The following PGGHG variants were observed in gnomAD, a reference collection of about 807,000 sequenced individuals.
PGGHG encodes the protein ATH1, acid trehalase-like 1.
A neutral mutation model predicts 74.5 loss-of-function variants in PGGHG; 67 were observed. The observed-to-expected ratio is 0.90, with a 90% CI of 0.74 to 1.10. The LOEUF is 1.10. Ranked by LOEUF, PGGHG falls within the 50% of genes least tolerant of loss-of-function variation. The probability of loss-of-function intolerance (pLI) is 0.00; values close to 1 mark genes in which losing one functional copy is unlikely to be tolerated. For missense variants in PGGHG, 1,034 were observed against 981.5 expected (o/e 1.05, Z -0.72); for synonymous variants, 496 against 419.9 (o/e 1.18, Z -2.21).
chr11:289,756 G>A lies in PGGHG; in HGVS notation c.-13-48G>A, dbSNP rs1367874031. On this transcript the variant is annotated intron_variant, in intron 1 of 13. Transcript: ENST00000409548. This position sits in a 1 kb window ranked among gnomAD's most constrained non-coding sequence, Gnocchi z 5.6. ...GGGGATTACAGACGGTCTCAAGAGG[G>A]AGGCCCAGCCAGTCCCGCGGCCCCT... is the stretch of plus-strand genomic sequence containing the variant. 3 of 1,505,028 alleles carry A rather than the reference G, an allele frequency of 2.0e-6. No homozygotes were observed. Among genetic ancestry groups the A allele is most frequent in the Non-Finnish European group, 2.7e-6 (3 of 1,124,302 alleles). The allele number at this position is 1,505,028 out of a possible 1,614,324, so 93.2% of individuals were successfully genotyped here.
Position 289,547 on chromosome 11 carries a change from A to C in PGGHG, c.-13-257A>C. 1.9e-6 allele frequency: 1 copy of C among 515,472 alleles called. No homozygotes were observed. The highest frequency in any genetic ancestry group is 3.4e-6 in the Non-Finnish European group (1 of 291,962). 31.9% of individuals were successfully genotyped at this position (515,472 alleles called of 1,614,324 possible). On this transcript the variant is annotated intron_variant, in intron 1 of 13. Coordinates refer to ENST00000409548, the MANE Select transcript of PGGHG (RefSeq NM_025092.5). This position sits in a 1 kb window ranked among gnomAD's most constrained non-coding sequence, Gnocchi z 5.6. Reference sequence around the variant, plus strand: ...AAAGCAGGGTTAGGACTGGAATTCTAAGGTAGCAGGAGGGAGAGACACACT... The same window carrying C: ...AAAGCAGGGTTAGGACTGGAATTCTCAGGTAGCAGGAGGGAGAGACACACT...
In PGGHG at chr11:289,355, C is replaced by T. The variant is rs1391512546; in HGVS notation, c.-14+116C>T. On this transcript the variant is annotated intron_variant, in intron 1 of 13. Transcript: ENST00000409548. The surrounding 1 kb of genome is among the most constrained non-coding windows in gnomAD (Gnocchi z 5.6). The stretch of plus-strand genomic sequence containing the variant: ...CGCCTGCCCCAGCCGCCTACACCCC[C>T]GAGACCCCCACCCGCCCGGCGCCCC... 3 of 140,536 alleles carry T rather than the reference C, an allele frequency of 2.1e-5. No homozygotes were observed. Among genetic ancestry groups the T allele is most frequent in the African/African-American group, 8.0e-5 (3 of 37,416 alleles). The allele number at this position is 140,536 out of a possible 1,614,324, so 8.7% of individuals were successfully genotyped here.
At chr11:291,791 C>A in intron 4 of PGGHG, 185 bp from the exon 5 acceptor site, 1 of 859,832 alleles carries the variant, frequency 1.2e-6, no homozygotes, top group Non-Finnish European at 1.7e-6. Flanking sequence ...ACCAGAACTC[C>A]AGGAGCGTCT....
At chr11:292,796 C>T in intron 6 of PGGHG, 90 bp from the exon 7 acceptor site, 2 of 1,607,530 alleles carry the variant, frequency 1.2e-6, no homozygotes, top group Non-Finnish European at 1.7e-6. Context: ...ACAGGTGTCT[C>T]AATGCCAGGC....
Position 290,445 on chromosome 11 carries a change from T to C in PGGHG, c.315T>C (p.Tyr105=). Residue 105 remains tyrosine, a synonymous_variant, in exon 3 of 14, where the codon TAT becomes TAC. Coordinates refer to ENST00000409548, the MANE Select transcript of PGGHG (RefSeq NM_025092.5). ...GPRFRASQCI[Y]AHRTLPHVLA... ...GCTTCCGGGCCTCCCAGTGCATCTATGCGCATCGCACGCTGCCCCACGTGC... is the reference window on the plus strand; with the variant it reads ...GCTTCCGGGCCTCCCAGTGCATCTACGCGCATCGCACGCTGCCCCACGTGC... 1 of 1,549,290 alleles carries C rather than the reference T, an allele frequency of 6.5e-7. No homozygotes were observed.
In PGGHG at chr11:293,715, C is replaced by T. The variant is rs1166725239; in HGVS notation, c.1602C>T (p.Pro534=). Residue 534 remains proline, a synonymous_variant, in exon 10 of 14, where the codon CCC becomes CCT. Coordinates refer to ENST00000409548, the MANE Select transcript of PGGHG (RefSeq NM_025092.5). ...AGGCTGTGACGTCCCCCCAGGGCCC[C>T]GCCATGACCTGGGTGAGCACCCTGG... is the stretch of plus-strand genomic sequence containing the variant. ...IYEAVTSPQG[P]AMTWSMFAVG... is the part of the protein sequence containing the mutation. 1.2e-6 allele frequency: 2 copies of T among 1,613,198 alleles called. No individual in the cohort carries two copies. The highest frequency in any genetic ancestry group is 1.1e-5 in the South Asian group (1 of 91,088).
At chr11:293,118 C>T (rs774605192) in intron 7 of PGGHG, 45 bp from the exon 8 acceptor site, 3 of 1,613,786 alleles carry the variant, frequency 1.9e-6, no homozygotes, top group African/African-American at 2.7e-5. Context: ...GAGGGAAGGC[C>T]TCTGAGACTC....
chr11:293,460 G>A lies in PGGHG; in HGVS notation c.1438G>A (p.Val480Met), dbSNP rs779005950. The change falls in exon 9 of 14, where the codon GTG becomes ATG. Residue 480 changes from valine to methionine, a missense_variant. Transcript: ENST00000409548. ...VADKIKVPFD[V>M]EQNFHPEFDG... is the part of the protein sequence containing the mutation. ...TGACAAGATCAAGGTACCCTTTGAC[G>A]TGGAGCAGAACTTCCACCCGGAGTT... 9 of 1,611,864 alleles carry A rather than the reference G, an allele frequency of 5.6e-6. No individual in the cohort carries two copies. Among genetic ancestry groups the A allele is most frequent in the Non-Finnish European group, 5.1e-6 (6 of 1,180,006 alleles).
chr11:294,379 G>A lies in PGGHG; in HGVS notation c.1921G>A (p.Asp641Asn). The A allele has an allele frequency of 6.2e-7, 1 of 1,613,080 alleles. No homozygotes were observed. Among genetic ancestry groups the A allele is most frequent in the Non-Finnish European group, 8.5e-7 (1 of 1,179,964 alleles). The change falls in exon 13 of 14, where the codon GAC becomes AAC. Residue 641 changes from aspartate to asparagine, a missense_variant. Asp to Asn is a conservative substitution (Grantham distance 23). Coordinates refer to ENST00000409548, the MANE Select transcript of PGGHG (RefSeq NM_025092.5). ...CAAGCTCAACTTCTCTTTTTCCGAG[G>A]ACTCCGTGACCGTGGAGGTCACAGC... ...GNKLNFSFSE[D>N]SVTVEVTARA...
intron 11 of PGGHG, 25 bp from the exon 12 acceptor site, chr11:294,074 G>C: frequency 6.3e-7 from 1 of 1,589,494 alleles, no homozygotes; most frequent in Non-Finnish European, 8.6e-7. Context: ...GGGGGTCCTG[G>C]TGTCAGCTGC....
rs749387363 is a variant in PGGHG, at chr11:293,479, C to T, written c.1457C>T (p.Pro486Leu). ...TTTGACGTGGAGCAGAACTTCCACC[C>T]GGAGTTCGATGGGTATGAGCCTGGT... ...VPFDVEQNFH[P>L]EFDGYEPGEV... Residue 486 changes from proline to leucine, a missense_variant, in exon 9 of 14, where the codon CCG (proline) becomes CTG (leucine). Transcript: ENST00000409548. The T allele has an allele frequency of 6.2e-6, 10 of 1,611,556 alleles. No homozygotes were observed. Among genetic ancestry groups the T allele is most frequent in the East Asian group, 2.2e-5 (1 of 44,870 alleles).
Position 294,368 on chromosome 11 carries a change from CTT to C in PGGHG, c.1914_1915del (p.Ser639ArgfsTer22), listed in dbSNP as rs2134031031. The C allele has an allele frequency of 6.2e-7, 1 of 1,613,044 alleles. No individual in the cohort carries two copies. The highest frequency in any genetic ancestry group is 2.2e-5 in the East Asian group (1 of 44,890). On this transcript the variant is annotated frameshift_variant, in exon 13 of 14. Transcript: ENST00000409548. LOFTEE classifies it high-confidence loss of function. ...TACCAGGGGAACAAGCTCAACTTCT[CTT>C]TTTCCGAGGACTCCGTGACCGTGGA...
Position 294,523 on chromosome 11 carries a change from C to T in PGGHG, c.2021-33C>T, listed in dbSNP as rs12278773. On this transcript the variant is annotated intron_variant, in intron 13 of 13. Transcript: ENST00000409548. Reference sequence around the variant, plus strand: ...CCCAGGTGCCTGCGACCCCAGGCTGCCCCTCACCCCCAGGCTGCCTCTCTC... The same window carrying T: ...CCCAGGTGCCTGCGACCCCAGGCTGTCCCTCACCCCCAGGCTGCCTCTCTC... 1,118 of 541,428 alleles carry T rather than the reference C, an allele frequency of 2.1e-3. 3 individuals are homozygous for T. The highest frequency in any genetic ancestry group is 6.8e-3 in the African/African-American group (127 of 18,688). 33.5% of individuals were successfully genotyped at this position (541,428 alleles called of 1,614,324 possible). A position where few individuals can be genotyped will look rare whatever the true frequency, so the allele number is the denominator to read the frequency against.
In PGGHG at chr11:294,898, C is replaced by CTT; in HGVS notation, c.*151_*152dup. On this transcript the variant is annotated 3_prime_UTR_variant, in exon 14 of 14. Coordinates refer to ENST00000409548, the MANE Select transcript of PGGHG (RefSeq NM_025092.5). ...CATGCTGCTTGGCCTGAGTTCAAGG[C>CTT]TTTCTGCCTGTAGCCTGGACTCCCG... 5 of 998,398 alleles carry CTT rather than the reference C, an allele frequency of 5.0e-6. No homozygotes were observed. Among genetic ancestry groups the CTT allele is most frequent in the Non-Finnish European group, 7.1e-6 (5 of 705,538 alleles). 61.8% of individuals were successfully genotyped at this position (998,398 alleles called of 1,614,324 possible).
At position 289,996 on chromosome 11, in the gene PGGHG, C is replaced by T. The variant is rs2134019081; in HGVS notation, c.180C>T (p.Ser60=). The T allele has an allele frequency of 6.5e-7, 1 of 1,548,656 alleles. No individual in the cohort carries two copies. The highest frequency in any genetic ancestry group is 8.7e-7 in the Non-Finnish European group (1 of 1,146,818). ...ACACGCACCGGGCCATGCTGCCCAG[C>T]CCCCTCAACGTCCGGCTGGAGGCCC... The part of the protein sequence containing the change: ...GGDTHRAMLP[S]PLNVRLEAPA... Residue 60 remains serine (S), a synonymous_variant, in exon 2 of 14, where the codon AGC becomes AGT. Coordinates refer to ENST00000409548, the MANE Select transcript of PGGHG (RefSeq NM_025092.5). The surrounding 1 kb of genome is among the most constrained non-coding windows in gnomAD (Gnocchi z 5.6).
At chr11:291,522 CG>C (rs1015088204) in intron 4 of PGGHG, 17 of 246,850 alleles carry the variant, frequency 6.9e-5, no homozygotes, top group Non-Finnish European at 1.0e-4. Flanking sequence ...TGGAGGCCGA[CG>C]GGGGTGACGG....
In PGGHG at chr11:292,627, G is replaced by A. The variant is rs374726787; in HGVS notation, c.1108G>A (p.Val370Ile). The change falls in exon 6 of 14, where the codon GTC becomes ATC. Residue 370 changes from valine to isoleucine, a missense_variant. Val to Ile is a conservative substitution (Grantham distance 29). Transcript: ENST00000409548. The stretch of plus-strand genomic sequence containing the variant: ...CATTTACGGAGTCCAGGAGGTCCAC[G>A]TCAACGGGGCCGTGGTGTTGGCCTT... Reference protein sequence around the residue: ...EDIYGVQEVHVNGAVVLAFEL... With the variant: ...EDIYGVQEVHINGAVVLAFEL... The A allele has an allele frequency of 2.6e-5, 42 of 1,613,630 alleles. No homozygotes were observed. The South Asian group carries it at 3.3e-4, about 13-fold the overall frequency.
At chr11:292,779 G>A (rs913463388) in intron 6 of PGGHG, 102 bp downstream of exon 6, 3 of 1,606,764 alleles carry the variant, frequency 1.9e-6, no homozygotes, top group Non-Finnish European at 2.6e-6. Flanking sequence ...TGGGAAGCTG[G>A]CTGAGGACAG....
rs777086662 is a variant in PGGHG at position 293,885 on chromosome 11, T to TC, written c.1672dup (p.Leu558ProfsTer10). The TC allele has an allele frequency of 6.2e-7, 1 of 1,613,532 alleles. No individual in the cohort carries two copies. The highest frequency in any genetic ancestry group is 8.5e-7 in the Non-Finnish European group (1 of 1,179,940). The stretch of plus-strand genomic sequence containing the variant: ...AAGGACGCAGTGCGGGCCCGGGGCC[T>TC]CCTGGACAGGAGCTTTGCCAACATG... On this transcript the variant is annotated frameshift_variant, in exon 11 of 14. Coordinates refer to ENST00000409548, the MANE Select transcript of PGGHG (RefSeq NM_025092.5). LOFTEE classifies it high-confidence loss of function.
Sources: allele counts gnomAD v4.1 joint callset, GRCh38; gene constraint gnomAD v4.1.1; non-coding constraint Gnocchi (gnomAD v3.1); transcripts MANE v1.5; gene names NCBI Gene and HGNC (gene_info 2026-07-23, HGNC 2026-07-21).